Variants in HERC4 observed in about 807,000 individuals in gnomAD.
HERC4 encodes probable E3 ubiquitin-protein ligase HERC4.
A neutral mutation model predicts 124.3 loss-of-function variants in HERC4; 28 were observed. The observed-to-expected ratio is 0.23, with a 90% CI of 0.17 to 0.31. The LOEUF (loss-of-function observed/expected upper bound fraction) is 0.31. Ranked by LOEUF, HERC4 falls within the 10% of genes least tolerant of loss-of-function variation. HERC4 has a pLI of 1.00. For missense variants in HERC4, 713 were observed against 1,229.3 expected (o/e 0.58, Z 6.28); for synonymous variants, 407 against 421.5 (o/e 0.97, Z 0.42).
chr10:67,981,394 ATTAGAG>A (rs769510333), intron 15 of HERC4, among the ~76,000 whole-genome samples: 3 of 152,334 alleles, frequency 2.0e-5, no homozygotes, highest in East Asian at 3.9e-4. Flanking sequence ...AGCAAATATT[ATTAGAG>A]TTAAAGAGAG....
At position 68,044,395 on chromosome 10, in the gene HERC4, C is replaced by T; in HGVS notation, c.386+9G>A. 1 of 1,602,802 alleles carries T rather than the reference C, an allele frequency of 6.2e-7. No homozygotes were observed. The highest frequency in any genetic ancestry group is 2.2e-5 in the East Asian group (1 of 44,664). On this transcript the variant is annotated intron_variant, in intron 4 of 24. Transcript: ENST00000373700. ...TTGTTAAGGACCTCTTTCTGGTCAC[C>T]TTTGTTACCTGGGTACTCTGATGCA...
At chr10:68,069,134 G>C (rs907256028) in intron 3 of HERC4, 6 of 968,860 alleles carry the variant, frequency 6.2e-6, no homozygotes, top group East Asian at 1.1e-4. Flanking sequence ...CCTATGATTA[G>C]ATACACAGTA....
intron 3 of HERC4, chr10:68,069,714 T>A: frequency 2.0e-6 from 2 of 985,472 alleles, no homozygotes; most frequent in African/African-American, 1.7e-5. Flanking sequence ...CTTAGTTCCC[T>A]CCATTCCATG....
At chr10:68,033,828 A>T in intron 6 of HERC4, 137 bp downstream of exon 6, 1 of 665,300 alleles carries the variant, frequency 1.5e-6, no homozygotes, top group Middle Eastern at 3.5e-4. Flanking sequence ...CCCCAAATGG[A>T]ATTTTTAAAT....
intron 9 of HERC4, chr10:67,994,291 T>C (rs1481039504): frequency 6.6e-6 from 1 of 152,246 alleles, no homozygotes; most frequent in African/African-American, 2.4e-5. Context: ...GGATGTTATT[T>C]ATTTACTCTT....
At chr10:68,016,255 G>A (rs912760807) in intron 8 of HERC4, among the ~76,000 whole-genome samples, 3 of 152,234 alleles carry the variant, frequency 2.0e-5, no homozygotes, top group East Asian at 1.9e-4. Context: ...CTTTTGGATC[G>A]TCTATTGATG....
At chr10:67,987,842 T>C (rs1239009490) in intron 15 of HERC4, among the ~76,000 whole-genome samples, 1 of 152,096 alleles carries the variant, frequency 6.6e-6, no homozygotes, top group Non-Finnish European at 1.5e-5. Context: ...ATCTCCTTTA[T>C]CCCTTTATTA....
chr10:67,940,852 T>C (rs1056939264), intron 20 of HERC4, 87 bp downstream of exon 20: 25 of 1,143,200 alleles, frequency 2.2e-5, no homozygotes, highest in Admixed American at 1.0e-4. Context: ...ACAAAATATA[T>C]TTTTTCATAG....
At chr10:68,068,569 A>T (rs2041413510) in intron 3 of HERC4, 1 of 152,784 alleles carries the variant, frequency 6.5e-6, no homozygotes, top group Non-Finnish European at 1.5e-5. Flanking sequence ...CTGAGGCAGG[A>T]GGATCACTTG....
chr10:67,975,204 T>A (rs2035512769), intron 15 of HERC4, among the ~76,000 whole-genome samples: 1 of 151,590 alleles, frequency 6.6e-6, no homozygotes, highest in Non-Finnish European at 1.5e-5. Context: ...AAAAAAAAAA[T>A]TCACTCAAAT....
chr10:68,072,125 A>G (rs1387897611), intron 3 of HERC4, among the ~76,000 whole-genome samples: 1 of 152,216 alleles, frequency 6.6e-6, no homozygotes, highest in African/African-American at 2.4e-5. Flanking sequence ...TACCACCTGA[A>G]ATCATTAACT....
At chr10:67,955,449 A>G (rs943960889) in intron 17 of HERC4, 10 of 196,348 alleles carry the variant, frequency 5.1e-5, no homozygotes, top group Non-Finnish European at 9.1e-5. Flanking sequence ...GAGGGTAAAG[A>G]GGGAGGAGCA....
chr10:68,070,070 C>T, intron 3 of HERC4: 4 of 984,370 alleles, frequency 4.1e-6, no homozygotes, highest in Non-Finnish European at 4.8e-6. Flanking sequence ...CAAAACAAAA[C>T]AAAAACCTCC....
chr10:67,947,642 T>C (rs1469545449), intron 19 of HERC4, among the ~76,000 whole-genome samples: 1 of 152,154 alleles, frequency 6.6e-6, no homozygotes. Flanking sequence ...CCAATAAAAG[T>C]AGAATAAACA....
At chr10:67,954,919 T>C in intron 18 of HERC4, 44 bp downstream of exon 18, 1 of 1,522,476 alleles carries the variant, frequency 6.6e-7, no homozygotes, top group Non-Finnish European at 8.8e-7. Flanking sequence ...AAACATAGCT[T>C]CTGAATAAAA....
chr10:67,968,334 C>G (rs1168515838), intron 15 of HERC4, among the ~76,000 whole-genome samples: 1 of 151,640 alleles, frequency 6.6e-6, no homozygotes, highest in African/African-American at 2.4e-5. Context: ...AAATAAAACT[C>G]AAACCCAATA....
chr10:68,040,308 T>G (rs770758506), intron 4 of HERC4: 126 of 973,060 alleles, frequency 1.3e-4, no homozygotes, highest in Non-Finnish European at 1.5e-4. Flanking sequence ...TCTGCGTCAT[T>G]ACTGTGTTAA....
At chr10:68,006,143 A>T (rs9633583) in intron 9 of HERC4, among the ~76,000 whole-genome samples, 13,992 of 152,126 alleles carry the variant, frequency 0.092, 1,052 homozygotes, top group East Asian at 0.4. Context: ...TGTCTTTACA[A>T]GTTGCTGTAG....
At chr10:68,014,937 G>A (rs1369984207) in intron 8 of HERC4, among the ~76,000 whole-genome samples, 1 of 152,202 alleles carries the variant, frequency 6.6e-6, no homozygotes, top group Non-Finnish European at 1.5e-5. Flanking sequence ...CTTAGATCTT[G>A]TCTCTTGCCC....
Sources: allele counts gnomAD v4.1 joint callset (sites outside exome capture counted in the v4.1 genomes callset), GRCh38; gene constraint gnomAD v4.1.1; transcripts MANE v1.5; gene names NCBI Gene and HGNC (gene_info 2026-07-23, HGNC 2026-07-21).